The following DENND2B variants were observed in gnomAD, a reference collection of about 807,000 sequenced individuals.
The protein encoded by DENND2B is DENN domain containing 2B, also known as DENN domain-containing protein 2B.
In DENND2B, 32 loss-of-function variants were observed where a neutral mutation model predicts 116.0. The ratio of observed to expected loss-of-function variants is 0.28; its 90% CI spans 0.21 to 0.37. The LOEUF is 0.37. DENND2B is among the 10% of genes least tolerant of loss of function. The probability of loss-of-function intolerance (pLI) is 1.00; values close to 1 mark genes in which losing one functional copy is unlikely to be tolerated. For missense variants in DENND2B, 1,276 were observed against 1,477.7 expected (o/e 0.86, Z 2.24); for synonymous variants, 588 against 583.9 (o/e 1.01, Z -0.10).
intron 4 of DENND2B, among the ~76,000 whole-genome samples, chr11:8,821,983 G>A (rs1266115063): frequency 6.6e-6 from 1 of 151,934 alleles, no homozygotes; most frequent in Non-Finnish European, 1.5e-5. Flanking sequence ...GTAGACAGGG[G>A]GTTTTGCCAT....
chr11:8,757,124 C>T (rs1241695554), intron 1 of DENND2B: 4 of 455,848 alleles, frequency 8.8e-6, no homozygotes, highest in South Asian at 3.1e-5. Context: ...AAAACACCTG[C>T]CTTGAGTCCA....
At chr11:8,708,548 T>G (rs1288653669) in intron 11 of DENND2B, among the ~76,000 whole-genome samples, 1 of 152,204 alleles carries the variant, frequency 6.6e-6, no homozygotes, top group Non-Finnish European at 1.5e-5. Context: ...TGGCCCTGTT[T>G]GGCTGTCTTA....
intron 1 of DENND2B, among the ~76,000 whole-genome samples, chr11:8,900,665 C>CA (rs1164822765): frequency 6.6e-6 from 1 of 151,274 alleles, no homozygotes; most frequent in Non-Finnish European, 1.5e-5. Flanking sequence ...CTAGAACAAT[C>CA]ACTAAAAAAT....
At chr11:8,884,663 A>G (rs993414974) in intron 1 of DENND2B, among the ~76,000 whole-genome samples, 1 of 152,164 alleles carries the variant, frequency 6.6e-6, no homozygotes, top group African/African-American at 2.4e-5. Flanking sequence ...CACAGAATGG[A>G]GCAAAGTCAC....
At chr11:8,694,734 T>C (rs1456038659) in intron 19 of DENND2B, 2 of 410,606 alleles carry the variant, frequency 4.9e-6, no homozygotes, top group Non-Finnish European at 9.5e-6. Flanking sequence ...ACTTTTTTTT[T>C]CTCGTCATTA....
In DENND2B at chr11:8,849,742, GA is replaced by G. The variant is rs1361672368; in HGVS notation, c.-156+7600del. ...GGCGGCTGAGGCAGGAGAATTGCTTGAATCCAAGAGGCAGAGGTTGCAGTGA... is the reference window on the plus strand; with the variant it reads ...GGCGGCTGAGGCAGGAGAATTGCTTGATCCAAGAGGCAGAGGTTGCAGTGA... On this transcript the variant is annotated intron_variant, in intron 3 of 6. Transcript: ENST00000524757. 7.2e-3 allele frequency among the ~76,000 whole-genome samples: 1,071 copies of G among 149,112 alleles called. 6 individuals are homozygous for G. The highest frequency in any genetic ancestry group is 0.01 in the African/African-American group (421 of 40,248).
intron 1 of DENND2B, among the ~76,000 whole-genome samples, chr11:8,796,407 C>T (rs555671565): frequency 3.4e-4 from 52 of 152,284 alleles, no homozygotes; most frequent in Admixed American, 2.2e-3. Context: ...AGCATGGTGG[C>T]GTGTGCCTGT....
intron 2 of DENND2B, among the ~76,000 whole-genome samples, chr11:8,747,471 C>G (rs1341421594): frequency 6.6e-6 from 1 of 152,208 alleles, no homozygotes; most frequent in African/African-American, 2.4e-5. Context: ...GCTGAATTAG[C>G]TCTAAACATA....
intron 4 of DENND2B, among the ~76,000 whole-genome samples, chr11:8,821,260 G>C (rs1297956959): frequency 1.3e-5 from 2 of 151,776 alleles, no homozygotes; most frequent in African/African-American, 2.4e-5. Context: ...GCTTTTCACT[G>C]TATATCTTTT....
chr11:8,837,687 A>G (rs998028044), intron 4 of DENND2B, among the ~76,000 whole-genome samples: 1 of 152,156 alleles, frequency 6.6e-6, no homozygotes, highest in African/African-American at 2.4e-5. Context: ...GGGTCCCCCA[A>G]ATACCCTCCC....
chr11:8,848,775 TC>T (rs2062897077), intron 3 of DENND2B, among the ~76,000 whole-genome samples: 1 of 152,142 alleles, frequency 6.6e-6, no homozygotes, highest in South Asian at 2.1e-4. Context: ...CTGAATCAGT[TC>T]TCCTGACTTT....
chr11:8,844,985 T>C (rs1348511615), intron 3 of DENND2B, among the ~76,000 whole-genome samples: 1 of 152,142 alleles, frequency 6.6e-6, no homozygotes, highest in Admixed American at 6.6e-5. Flanking sequence ...CAAGTGATCC[T>C]CCTGCCTCGG....
intron 3 of DENND2B, among the ~76,000 whole-genome samples, chr11:8,851,937 A>C (rs1467058824): frequency 1.3e-5 from 2 of 152,168 alleles, no homozygotes; most frequent in African/African-American, 4.8e-5. Context: ...AATTCAACTA[A>C]CTAATTAGGG....
At chr11:8,781,635 C>T (rs1809931163) in intron 1 of DENND2B, among the ~76,000 whole-genome samples, 1 of 150,236 alleles carries the variant, frequency 6.7e-6, no homozygotes, top group Non-Finnish European at 1.5e-5. Context: ...CACACACACA[C>T]ACACACATAA....
intron 2 of DENND2B, among the ~76,000 whole-genome samples, chr11:8,734,384 G>A (rs1271122400): frequency 6.6e-6 from 1 of 151,966 alleles, no homozygotes; most frequent in Non-Finnish European, 1.5e-5. Context: ...GAACATCACA[G>A]CCTTGGGGTT....
At chr11:8,889,454 A>G (rs2063999827) in intron 1 of DENND2B, among the ~76,000 whole-genome samples, 1 of 152,256 alleles carries the variant, frequency 6.6e-6, no homozygotes, top group Non-Finnish European at 1.5e-5. Context: ...GCATCGCCTC[A>G]CCCGGGAAAC....
At chr11:8,779,475 G>A (rs1374379786) in intron 1 of DENND2B, among the ~76,000 whole-genome samples, 1 of 151,570 alleles carries the variant, frequency 6.6e-6, no homozygotes, top group Non-Finnish European at 1.5e-5. Context: ...AAGCATGCTC[G>A]GGGTTTCCTT....
At chr11:8,728,387 C>T (rs546355662) in intron 3 of DENND2B, among the ~76,000 whole-genome samples, 142 of 152,306 alleles carry the variant, frequency 9.3e-4, no homozygotes, top group African/African-American at 2.7e-3. Flanking sequence ...CTCTACTCCT[C>T]ATGGAACATG....
At chr11:8,815,994 T>G (rs1278785866) in intron 4 of DENND2B, among the ~76,000 whole-genome samples, 1 of 152,226 alleles carries the variant, frequency 6.6e-6, no homozygotes, top group Non-Finnish European at 1.5e-5. Context: ...TTATAGTACT[T>G]TCTTGTCTCT....
Sources: gnomAD v4.1 joint callset for allele counts (sites outside exome capture counted in the v4.1 genomes callset) on GRCh38, gnomAD v4.1.1 for gene constraint, MANE v1.5 for transcripts, NCBI Gene and HGNC (gene_info 2026-07-23, HGNC 2026-07-21) for gene names.